PPFIBP2: variants seen among roughly 807,000 people sequenced by gnomAD.
PPFIBP2 encodes the protein liprin-beta-2.
In PPFIBP2, 118 loss-of-function variants were observed where a neutral mutation model predicts 118.3. That is an observed-to-expected ratio of 1.00 (90% confidence interval 0.86 to 1.16). The LOEUF (loss-of-function observed/expected upper bound fraction) is 1.16. PPFIBP2 is among the 50% of genes most tolerant of loss of function. PPFIBP2 has a pLI of 0.00. For synonymous variants in PPFIBP2, 414 were observed against 397.4 expected, an observed-to-expected ratio of 1.04 and a Z score of -0.50; for missense variants, 1,195 against 1,073.1, an observed-to-expected ratio of 1.11 and a Z score of -1.59.
intron 1 of PPFIBP2, among the ~76,000 whole-genome samples, chr11:7,544,403 G>A (rs1015253552): frequency 6.6e-6 from 1 of 152,090 alleles, no homozygotes; most frequent in Non-Finnish European, 1.5e-5. Flanking sequence ...AGTCCCCATG[G>A]CACATTGTTG....
chr11:7,576,411 G>A (rs1210927630), intron 3 of PPFIBP2: 1 of 152,432 alleles, frequency 6.6e-6, no homozygotes. Flanking sequence ...CAAAGGAGAT[G>A]GGAATAGGAG....
At chr11:7,649,692 G>GC (rs1853684932) in intron 21 of PPFIBP2, 38 bp downstream of exon 21, 1 of 1,611,414 alleles carries the variant, frequency 6.2e-7, no homozygotes, top group African/African-American at 1.3e-5. Flanking sequence ...GTAGCCCTGA[G>GC]CCAGGACCCC....
rs890198011 is a variant in PPFIBP2, at chr11:7,566,038, T to G, written c.279+271T>G. Among the ~76,000 whole-genome samples the G allele has an allele frequency of 7.9e-5, 8 of 101,596 alleles. No individual in the cohort carries two copies. The East Asian group carries it at 1.8e-3, about 23-fold the overall frequency. 66.7% of individuals were successfully genotyped at this position (101,596 alleles called of 152,430 possible). On this transcript the variant is annotated intron_variant, in intron 3 of 23. Coordinates refer to ENST00000299492, the MANE Select transcript of PPFIBP2 (RefSeq NM_003621.5). Reference sequence around the variant, plus strand: ...CCAGAGAAGGGCAAACATTTAAGATTTCACACACACACACACACACCCTCG... The same window carrying G: ...CCAGAGAAGGGCAAACATTTAAGATGTCACACACACACACACACACCCTCG...
downstream of PPFIBP2, among the ~76,000 whole-genome samples, chr11:7,660,465 A>G (rs974049995): frequency 7.4e-5 from 11 of 148,944 alleles, no homozygotes; most frequent in African/African-American, 2.5e-4. Context: ...ATTTGCGTCT[A>G]TTAAACCAGC....
chr11:7,555,713 CG>C (rs1417527980), intron 2 of PPFIBP2, among the ~76,000 whole-genome samples: 1 of 152,182 alleles, frequency 6.6e-6, no homozygotes, highest in Non-Finnish European at 1.5e-5. Flanking sequence ...CTGGGGCACC[CG>C]CTGTTTGACA....
At chr11:7,615,280 G>A (rs1848496805) in intron 6 of PPFIBP2, among the ~76,000 whole-genome samples, 1 of 150,762 alleles carries the variant, frequency 6.6e-6, no homozygotes, top group East Asian at 2.0e-4. Context: ...AGGTTGCAGT[G>A]AGCCGAGATC....
chr11:7,635,589 C>G lies in PPFIBP2; in HGVS notation c.1232C>G (p.Pro411Arg). The change falls in exon 14 of 24, where the codon CCC becomes CGC. Residue 411 changes from proline to arginine, a missense_variant. Pro to Arg is a moderately radical substitution (Grantham distance 103). Coordinates refer to ENST00000299492, the MANE Select transcript of PPFIBP2 (RefSeq NM_003621.5). ...DGNQPFPVLE[P>R]KDSPFLAEHK... ...AACCAGCCCTTCCCGGTGTTAGAAC[C>G]CAAGGTACATTGACTTCGTGCCCCG... The G allele has an allele frequency of 1.2e-6, 2 of 1,608,410 alleles. No individual in the cohort carries two copies. The highest frequency in any genetic ancestry group is 1.7e-6 in the Non-Finnish European group (2 of 1,174,756).
chr11:7,554,872 G>C (rs780843087), intron 2 of PPFIBP2, among the ~76,000 whole-genome samples: 7 of 151,014 alleles, frequency 4.6e-5, no homozygotes, highest in Non-Finnish European at 7.4e-5. Context: ...GTTGGGAAAG[G>C]GTGGCTGTTA....
chr11:7,666,450 C>G, the PPFIBP2 span: 1 of 1,603,354 alleles, frequency 6.2e-7, no homozygotes, highest in Non-Finnish European at 8.5e-7. Context: ...GGATGTCGTA[C>G]CAATGGGAGG....
the PPFIBP2 span, chr11:7,665,342 G>A: frequency 1.4e-6 from 2 of 1,466,630 alleles, no homozygotes; most frequent in East Asian, 2.4e-5. Flanking sequence ...AGATGAAAAG[G>A]GACATGCAAA....
At chr11:7,543,008 C>T (rs969469414) in intron 1 of PPFIBP2, among the ~76,000 whole-genome samples, 1 of 152,222 alleles carries the variant, frequency 6.6e-6, no homozygotes, top group South Asian at 2.1e-4. Flanking sequence ...TGTTTTCACT[C>T]AAGTCTGTCT....
At chr11:7,663,195 C>G in the PPFIBP2 span, among the ~76,000 whole-genome samples, 5 of 132,318 alleles carry the variant, frequency 3.8e-5, 1 homozygote, top group Admixed American at 3.9e-4. Flanking sequence ...TGGTGAGGAG[C>G]TGCATTCCTT....
intron 23 of PPFIBP2, among the ~76,000 whole-genome samples, chr11:7,652,199 C>T (rs565311874): frequency 2.0e-4 from 31 of 152,232 alleles, no homozygotes; most frequent in Non-Finnish European, 3.5e-4. Flanking sequence ...GCCTGCGTGC[C>T]GCAATGCCGT....
At chr11:7,652,123 A>G (rs903709046) in intron 23 of PPFIBP2, among the ~76,000 whole-genome samples, 3 of 152,200 alleles carry the variant, frequency 2.0e-5, no homozygotes, top group Non-Finnish European at 4.4e-5. Flanking sequence ...CCTCTACCCC[A>G]CTGCTGCTGT....
intron 5 of PPFIBP2, among the ~76,000 whole-genome samples, chr11:7,606,225 T>TC (rs1445007340): frequency 2.6e-5 from 4 of 152,182 alleles, no homozygotes; most frequent in Non-Finnish European, 5.9e-5. Flanking sequence ...CTGAGTGGTC[T>TC]CCAATTGAAA....
the PPFIBP2 span, chr11:7,666,691 A>C: frequency 3.5e-6 from 2 of 575,588 alleles, no homozygotes; most frequent in South Asian, 4.4e-5. Context: ...ACGGCAAACA[A>C]GAGTTCTGCT....
At chr11:7,615,045 A>T (rs79512955) in intron 6 of PPFIBP2, among the ~76,000 whole-genome samples, 3 of 152,146 alleles carry the variant, frequency 2.0e-5, no homozygotes, top group Admixed American at 2.0e-4. Context: ...ATAAAGAATT[A>T]TGAAGCTAGG....
At chr11:7,605,259 A>G (rs1847200263) in intron 5 of PPFIBP2, among the ~76,000 whole-genome samples, 2 of 152,238 alleles carry the variant, frequency 1.3e-5, no homozygotes, top group Non-Finnish European at 2.9e-5. Context: ...GATGCTAGGA[A>G]ACTTTGAAAT....
chr11:7,554,690 T>C (rs1248342661), intron 2 of PPFIBP2, among the ~76,000 whole-genome samples: 2 of 152,098 alleles, frequency 1.3e-5, no homozygotes, highest in Non-Finnish European at 2.9e-5. Flanking sequence ...AAATTGGTTC[T>C]TGTAAATGCA....
Sources: allele counts gnomAD v4.1 joint callset (sites outside exome capture counted in the v4.1 genomes callset), GRCh38; gene constraint gnomAD v4.1.1; transcripts MANE v1.5; gene names NCBI Gene and HGNC (gene_info 2026-07-23, HGNC 2026-07-21).